TNR: variants seen among roughly 807,000 people sequenced by gnomAD.
TNR encodes the protein tenascin-R.
TNR carries 45 observed loss-of-function variants against 150.4 expected under a neutral mutation model. That is an observed-to-expected ratio of 0.30 (90% confidence interval 0.24 to 0.38). The LOEUF (loss-of-function observed/expected upper bound fraction) is 0.38. Among genes scored for constraint, TNR ranks in the 10% least tolerant of loss-of-function variants. The probability of loss-of-function intolerance (pLI) is 1.00; values close to 1 mark genes in which losing one functional copy is unlikely to be tolerated. For synonymous variants in TNR, 687 were observed against 678.4 expected, an observed-to-expected ratio of 1.01 and a Z score of -0.20; for missense variants, 1,544 against 1,759.1, an observed-to-expected ratio of 0.88 and a Z score of 2.19.
intron 1 of TNR, among the ~76,000 whole-genome samples, chr1:175,554,827 C>T (rs1558003578): frequency 6.6e-6 from 1 of 152,188 alleles, no homozygotes; most frequent in Non-Finnish European, 1.5e-5. Context: ...TTTATTCAAT[C>T]ATAAAACCAT....
Position 175,703,421 on chromosome 1 carries a change from T to C in TNR, c.-165+39805A>G, listed in dbSNP as rs151277514. Among the ~76,000 whole-genome samples, 196 of 152,338 alleles carry C rather than the reference T, an allele frequency of 1.3e-3. 1 individual carries two copies. Among genetic ancestry groups the C allele is most frequent in the African/African-American group, 4.6e-3 (190 of 41,576 alleles). The stretch of plus-strand genomic sequence containing the variant: ...AGAGGCATCATTCAATTAAAAGAAG[T>C]ATTCAATGAATGAGCAAATCAATGT... On this transcript the variant is annotated intron_variant, in intron 1 of 22. Coordinates refer to ENST00000367674, the MANE Select transcript of TNR (RefSeq NM_003285.3).
chr1:175,495,533 C>A (rs1658450193), intron 2 of TNR, among the ~76,000 whole-genome samples: 1 of 152,148 alleles, frequency 6.6e-6, no homozygotes, highest in South Asian at 2.1e-4. Flanking sequence ...CCAACAGTCA[C>A]CAAATTACTG....
chr1:175,487,991 G>A (rs954799341), intron 2 of TNR, among the ~76,000 whole-genome samples: 10 of 152,302 alleles, frequency 6.6e-5, no homozygotes, highest in African/African-American at 2.2e-4. Flanking sequence ...GGCCTTGGGT[G>A]AGAGCATTGA....
intron 1 of TNR, among the ~76,000 whole-genome samples, chr1:175,704,607 CT>C (rs781284293): frequency 6.6e-6 from 1 of 152,240 alleles, no homozygotes; most frequent in Non-Finnish European, 1.5e-5. Context: ...TCCAGAGATG[CT>C]TTCCCCAATG....
chr1:175,460,596 G>C (rs1187445117), intron 2 of TNR, among the ~76,000 whole-genome samples: 1 of 152,176 alleles, frequency 6.6e-6, no homozygotes, highest in Non-Finnish European at 1.5e-5. Flanking sequence ...GGCTTACAAA[G>C]TATCCTCATA....
At chr1:175,375,733 G>A (rs1652347412) in intron 9 of TNR, among the ~76,000 whole-genome samples, 1 of 152,152 alleles carries the variant, frequency 6.6e-6, no homozygotes, top group Non-Finnish European at 1.5e-5. Context: ...TGAGAGTAAA[G>A]GGGGCCTGAC....
intron 21 of TNR, among the ~76,000 whole-genome samples, chr1:175,328,214 G>A (rs540424119): frequency 6.6e-6 from 1 of 152,258 alleles, no homozygotes; most frequent in East Asian, 1.9e-4. Context: ...TTTTGTAAAG[G>A]CCATGTTTTA....
At chr1:175,625,129 G>A (rs940935495) in intron 1 of TNR, among the ~76,000 whole-genome samples, 2 of 152,240 alleles carry the variant, frequency 1.3e-5, no homozygotes, top group Non-Finnish European at 2.9e-5. Context: ...AAGCTCCCAA[G>A]AGCCTTGAAT....
chr1:175,442,210 C>A (rs1016885705), intron 2 of TNR, among the ~76,000 whole-genome samples: 3 of 152,046 alleles, frequency 2.0e-5, no homozygotes, highest in Non-Finnish European at 4.4e-5. Context: ...GCTTTTGCAC[C>A]CTCTCTTCCC....
Position 175,495,450 on chromosome 1 carries a change from G to A in TNR, c.-64+32819C>T, listed in dbSNP as rs139242795. Among the ~76,000 whole-genome samples the A allele has an allele frequency of 8.4e-3, 1,282 of 152,328 alleles. 18 individuals are homozygous for A. The highest frequency in any genetic ancestry group is 0.028 in the African/African-American group (1,182 of 41,556). On this transcript the variant is annotated intron_variant, in intron 2 of 22. Transcript: ENST00000367674. ...CTTAGGACACAAAGATGTGAAAGAT[G>A]ATCCCTGCTATCCAGGGGCTTAGCT...
intron 1 of TNR, among the ~76,000 whole-genome samples, chr1:175,650,204 A>G (rs1664918269): frequency 6.6e-6 from 1 of 152,032 alleles, no homozygotes; most frequent in Non-Finnish European, 1.5e-5. Context: ...CAACATGGTG[A>G]AACTCCCATC....
At chr1:175,741,887 A>G (rs1667940357) in intron 1 of TNR, among the ~76,000 whole-genome samples, 1 of 152,110 alleles carries the variant, frequency 6.6e-6, no homozygotes, top group African/African-American at 2.4e-5. Flanking sequence ...TTGCCTATGT[A>G]TCTCCCCTGT....
chr1:175,396,470 G>C (rs949000030), intron 5 of TNR, 74 bp downstream of exon 5: 1 of 1,526,294 alleles, frequency 6.6e-7, no homozygotes, highest in African/African-American at 1.4e-5. Context: ...AAGAAAAGAC[G>C]CTACTATCAT....
At chr1:175,470,234 G>A (rs985236640) in intron 2 of TNR, among the ~76,000 whole-genome samples, 2 of 152,138 alleles carry the variant, frequency 1.3e-5, no homozygotes, top group Non-Finnish European at 2.9e-5. Flanking sequence ...AAAGGTGACA[G>A]TTGGGCCTTG....
chr1:175,583,696 C>A (rs761848788), intron 1 of TNR, among the ~76,000 whole-genome samples: 1 of 152,176 alleles, frequency 6.6e-6, no homozygotes, highest in Non-Finnish European at 1.5e-5. Flanking sequence ...CCAAATACCC[C>A]CTTCCCCTCA....
intron 20 of TNR, among the ~76,000 whole-genome samples, chr1:175,330,935 T>G (rs1649718982): frequency 6.6e-6 from 1 of 152,190 alleles, no homozygotes; most frequent in Non-Finnish European, 1.5e-5. Flanking sequence ...GTCTAATATA[T>G]TCTTTTAAGG....
At chr1:175,516,640 C>A (rs574449188) in intron 2 of TNR, among the ~76,000 whole-genome samples, 2 of 152,298 alleles carry the variant, frequency 1.3e-5, no homozygotes, top group Admixed American at 1.3e-4. Flanking sequence ...CAGATCCAGG[C>A]AGACTGATGC....
intron 1 of TNR, among the ~76,000 whole-genome samples, chr1:175,569,191 A>G (rs1016215158): frequency 1.3e-5 from 2 of 152,120 alleles, no homozygotes; most frequent in Non-Finnish European, 2.9e-5. Context: ...TGGACATCCC[A>G]TTTTTCTCTT....
At chr1:175,330,919 G>GCC (rs1424854636) in intron 20 of TNR, among the ~76,000 whole-genome samples, 6 of 152,072 alleles carry the variant, frequency 3.9e-5, no homozygotes, top group African/African-American at 1.4e-4. Flanking sequence ...AACTTCCCAG[G>GCC]CCTTGGTCTA....
Sources: allele counts gnomAD v4.1 joint callset (sites outside exome capture counted in the v4.1 genomes callset), GRCh38; gene constraint gnomAD v4.1.1; transcripts MANE v1.5; gene names NCBI Gene and HGNC (gene_info 2026-07-23, HGNC 2026-07-21).